The following RNF38 variants were observed in gnomAD, a reference collection of about 807,000 sequenced individuals.
RNF38 encodes ring finger protein 38, also known as E3 ubiquitin-protein ligase RNF38.
A neutral mutation model predicts 67.2 loss-of-function variants in RNF38; 15 were observed. The observed-to-expected ratio is 0.22, with a 90% confidence interval of 0.15 to 0.34. The LOEUF (loss-of-function observed/expected upper bound fraction) is 0.34, where lower values mean the gene tolerates loss of function less well. Among genes scored for constraint, RNF38 ranks in the 10% least tolerant of loss-of-function variants. The pLI is 1.00. For missense variants in RNF38, 524 were observed against 639.9 expected (o/e 0.82, Z 1.95); for synonymous variants, 220 against 218.8 (o/e 1.01, Z -0.05).
At chr9:36,392,627 T>C (rs749841319) in intron 1 of RNF38, among the ~76,000 whole-genome samples, 2 of 152,054 alleles carry the variant, frequency 1.3e-5, no homozygotes, top group Non-Finnish European at 2.9e-5. Flanking sequence ...TAGTGTGGCA[T>C]GGTGGCACAC....
At chr9:36,376,280 T>TA (rs1167491374) in intron 2 of RNF38, among the ~76,000 whole-genome samples, 153 bp from the exon 3 acceptor site, 1 of 152,142 alleles carries the variant, frequency 6.6e-6, no homozygotes, top group African/African-American at 2.4e-5. Context: ...TTAAAACCTT[T>TA]AAAAAATGCT....
In RNF38 at chr9:36,409,299, G is replaced by A. The variant is rs141274151; in HGVS notation, n.312+15314C>T. ...GAAAGAAAGAAAGAAAAGAAAGAGA[G>A]AGAAAGAAAAAGAAAGAAAGAAAGA... On this transcript the variant is annotated intron_variant and non_coding_transcript_variant, in intron 2 of 3. Transcript: ENST00000488058. 2.8e-3 allele frequency among the ~76,000 whole-genome samples: 411 copies of A among 149,292 alleles called. 2 individuals carry two copies. Among genetic ancestry groups the A allele is most frequent in the African/African-American group, 8.8e-3 (358 of 40,580 alleles).
chr9:36,457,460 G>A (rs1839620187), intron 1 of RNF38, among the ~76,000 whole-genome samples: 1 of 152,174 alleles, frequency 6.6e-6, no homozygotes, highest in Non-Finnish European at 1.5e-5. Flanking sequence ...TACACCATTA[G>A]ATTCTGAAAG....
chr9:36,428,866 G>C lies in RNF38; in HGVS notation n.242-4183C>G, dbSNP rs1457571140. Among the ~76,000 whole-genome samples, 8 of 152,082 alleles carry C rather than the reference G, an allele frequency of 5.3e-5. No individual in the cohort carries two copies. In the East Asian group the frequency reaches 1.5e-3, roughly 29 times the overall value. ...ACAAGACAAAGCAAAAAGCAAGCAA[G>C]GCCCCTAGCTCCATGGAGCTTACAG... is the stretch of plus-strand genomic sequence containing the variant. On this transcript the variant is annotated intron_variant and non_coding_transcript_variant, in intron 1 of 3. Coordinates refer to the RNF38 transcript ENST00000488058.
chr9:36,349,652 T>G (rs1408568676), intron 9 of RNF38, among the ~76,000 whole-genome samples: 1 of 152,180 alleles, frequency 6.6e-6, no homozygotes, highest in African/African-American at 2.4e-5. Context: ...TTATTTTAGC[T>G]TTTGTTGCCT....
At chr9:36,369,183 A>G (rs1255329993) in intron 4 of RNF38, among the ~76,000 whole-genome samples, 1 of 152,218 alleles carries the variant, frequency 6.6e-6, no homozygotes, top group Non-Finnish European at 1.5e-5. Flanking sequence ...CTAATCTTAA[A>G]TCAATAATTT....
rs148631002 is a variant in RNF38 at position 36,446,577 on chromosome 9, C to T, written n.242-21894G>A. On this transcript the variant is annotated intron_variant and non_coding_transcript_variant, in intron 1 of 3. Transcript: ENST00000488058. ...ATCCCAACACTTTGGGAAGCTGAGGCAGAAGGATCACTTGAGGTCAGGAGT... is the reference window on the plus strand; with the variant it reads ...ATCCCAACACTTTGGGAAGCTGAGGTAGAAGGATCACTTGAGGTCAGGAGT... Among the ~76,000 whole-genome samples, 191 of 152,098 alleles carry T rather than the reference C, an allele frequency of 1.3e-3. 1 individual carries two copies. The highest frequency in any genetic ancestry group is 2.3e-3 in the Non-Finnish European group (155 of 67,990).
chr9:36,349,929 C>A (rs953400285), intron 9 of RNF38, among the ~76,000 whole-genome samples: 25 of 152,252 alleles, frequency 1.6e-4, no homozygotes, highest in African/African-American at 5.5e-4. Flanking sequence ...TGGCTCACTG[C>A]AGCCTCCCCC....
chr9:36,430,537 G>T (rs1156239733), intron 1 of RNF38, among the ~76,000 whole-genome samples: 1 of 152,036 alleles, frequency 6.6e-6, no homozygotes, highest in African/African-American at 2.4e-5. Context: ...ATGTATTGGA[G>T]GAAAGAGGTA....
chr9:36,378,969 C>T (rs1456714845), intron 2 of RNF38, among the ~76,000 whole-genome samples: 1 of 150,672 alleles, frequency 6.6e-6, no homozygotes, highest in Non-Finnish European at 1.5e-5. Context: ...GGCCTCATCT[C>T]GGCTCACCGC....
intron 1 of RNF38, among the ~76,000 whole-genome samples, chr9:36,435,723 G>A (rs1383671045): frequency 2.0e-5 from 3 of 150,776 alleles, no homozygotes; most frequent in East Asian, 2.0e-4. Flanking sequence ...TCCGCCTCCC[G>A]GGTTCACGTC....
chr9:36,400,680 C>G (rs1414388263), upstream of RNF38: 3 of 985,758 alleles, frequency 3.0e-6, no homozygotes, highest in Non-Finnish European at 3.6e-6. Flanking sequence ...GGCCTCCTCA[C>G]CCCCGGAACC....
At chr9:36,399,305 C>T (rs1417247627) in intron 1 of RNF38, among the ~76,000 whole-genome samples, 1 of 152,024 alleles carries the variant, frequency 6.6e-6, no homozygotes, top group Non-Finnish European at 1.5e-5. Context: ...TTATATTTTA[C>T]AGATGAGAGC....
At chr9:36,477,531 A>T (rs1840148360) in intron 1 of RNF38, among the ~76,000 whole-genome samples, 1 of 151,830 alleles carries the variant, frequency 6.6e-6, no homozygotes, top group Non-Finnish European at 1.5e-5. Context: ...TTAAAAGGTT[A>T]GTGTAGTTGG....
intron 1 of RNF38, among the ~76,000 whole-genome samples, chr9:36,464,915 G>A (rs1239825081): frequency 1.3e-5 from 2 of 152,064 alleles, no homozygotes; most frequent in Non-Finnish European, 2.9e-5. Context: ...CAATTATGAG[G>A]ACTCAAAAAG....
intron 4 of RNF38, 113 bp downstream of exon 4, chr9:36,369,606 C>T (rs1835223905): frequency 5.1e-6 from 4 of 790,006 alleles, no homozygotes; most frequent in Middle Eastern, 3.6e-4. Flanking sequence ...ACTTAAATAA[C>T]TTCATTTTAG....
chr9:36,408,857 G>C (rs1838246557), intron 2 of RNF38, among the ~76,000 whole-genome samples: 1 of 152,282 alleles, frequency 6.6e-6, no homozygotes, highest in South Asian at 2.1e-4. Context: ...ACTTAAATGG[G>C]TTATACTTAC....
At chr9:36,477,317 G>A (rs1288152356) in intron 1 of RNF38, among the ~76,000 whole-genome samples, 18 of 145,124 alleles carry the variant, frequency 1.2e-4, no homozygotes, top group South Asian at 2.2e-4. Flanking sequence ...AGCAAGACTC[G>A]TCTGGAAAAA....
At chr9:36,344,711 C>G in intron 10 of RNF38, 121 bp downstream of exon 10, 1 of 898,588 alleles carries the variant, frequency 1.1e-6, no homozygotes, top group East Asian at 2.6e-5. Context: ...TCTCTGACTC[C>G]TAAGCATTTT....
Sources: allele counts gnomAD v4.1 joint callset (sites outside exome capture counted in the v4.1 genomes callset), GRCh38; gene constraint gnomAD v4.1.1; transcripts MANE v1.5; gene names NCBI Gene and HGNC (gene_info 2026-07-23, HGNC 2026-07-21).